Variants in MUSK observed in about 807,000 individuals in gnomAD.
MUSK encodes the protein muscle associated receptor tyrosine kinase, also known as muscle, skeletal receptor tyrosine-protein kinase.
Under a neutral mutation model 88.7 loss-of-function variants are expected in MUSK, and 55 were observed. The observed-to-expected ratio is 0.62, with a 90% CI of 0.50 to 0.78. The LOEUF (loss-of-function observed/expected upper bound fraction) is 0.78, where lower values mean the gene tolerates loss of function less well. Ranked by LOEUF, MUSK falls within the 30% of genes least tolerant of loss-of-function variation. The probability of loss-of-function intolerance (pLI) is 0.00; values close to 1 mark genes in which losing one functional copy is unlikely to be tolerated. For missense variants in MUSK, 1,015 were observed against 1,074.3 expected, an observed-to-expected ratio of 0.94 and a Z score of 0.77; for synonymous variants, 387 against 391.9, an observed-to-expected ratio of 0.99 and a Z score of 0.15.
chr9:110,716,146 A>G (rs765009247), intron 5 of MUSK, among the ~76,000 whole-genome samples: 4 of 150,004 alleles, frequency 2.7e-5, no homozygotes, highest in Non-Finnish European at 5.9e-5. Context: ...GTTGGGGGAA[A>G]AAAAAGAAAA....
intron 5 of MUSK, among the ~76,000 whole-genome samples, chr9:110,728,026 A>G (rs2076910168): frequency 6.6e-6 from 1 of 152,120 alleles, no homozygotes; most frequent in African/African-American, 2.4e-5. Context: ...TTAAACATTT[A>G]TAAATTCTCA....
At chr9:110,771,823 T>C (rs916286403) in intron 9 of MUSK, among the ~76,000 whole-genome samples, 3 of 152,172 alleles carry the variant, frequency 2.0e-5, no homozygotes, top group Non-Finnish European at 4.4e-5. Context: ...ACCAAATAAT[T>C]TATTCCTGCA....
At chr9:110,688,482 A>T (rs557933678) in intron 3 of MUSK, among the ~76,000 whole-genome samples, 1 of 152,120 alleles carries the variant, frequency 6.6e-6, no homozygotes, top group African/African-American at 2.4e-5. Flanking sequence ...TTTTGAGTTC[A>T]GGGGTACATC....
intron 7 of MUSK, among the ~76,000 whole-genome samples, chr9:110,757,230 G>A (rs1330083259): frequency 3.9e-5 from 6 of 152,056 alleles, no homozygotes; most frequent in East Asian, 3.9e-4. Context: ...AGGCTGAGGC[G>A]GGTGGATAAT....
chr9:110,741,205 A>G (rs2077093624), intron 6 of MUSK, among the ~76,000 whole-genome samples: 1 of 152,224 alleles, frequency 6.6e-6, no homozygotes, highest in Non-Finnish European at 1.5e-5. Context: ...TAATCATTTC[A>G]TAATATACAT....
chr9:110,775,458 C>A, intron 9 of MUSK: 1 of 322,918 alleles, frequency 3.1e-6, no homozygotes, highest in Non-Finnish European at 5.9e-6. Flanking sequence ...CCTTTTTCCT[C>A]TACCTGTGTT....
intron 1 of MUSK, among the ~76,000 whole-genome samples, chr9:110,676,013 CA>C (rs1171980616): frequency 6.6e-6 from 1 of 151,990 alleles, no homozygotes; most frequent in Non-Finnish European, 1.5e-5. Context: ...TTATTTCATT[CA>C]TTCGTTGTTT....
At chr9:110,671,620 A>G (rs1419001199) in intron 1 of MUSK, among the ~76,000 whole-genome samples, 1 of 152,190 alleles carries the variant, frequency 6.6e-6, no homozygotes, top group Non-Finnish European at 1.5e-5. Context: ...GGGAAGAATC[A>G]TTGTCTTTCT....
chr9:110,722,665 A>G (rs910790856), intron 5 of MUSK, among the ~76,000 whole-genome samples: 5 of 152,126 alleles, frequency 3.3e-5, no homozygotes, highest in African/African-American at 1.2e-4. Flanking sequence ...CCAAGGAGTA[A>G]TATTCAGAAT....
chr9:110,752,130 G>A lies in MUSK; in HGVS notation c.913+4330G>A, dbSNP rs2077255903. Among the ~76,000 whole-genome samples the A allele has an allele frequency of 2.0e-5, 3 of 152,106 alleles. No individual in the cohort carries two copies. In the South Asian group the frequency reaches 6.2e-4, roughly 32 times the overall value. Reference sequence around the variant, plus strand: ...CCCGAGGCAGACCTAATAAGGGTGTGTCATGAGTGTGATTGAATAAGACTT... The same window carrying A: ...CCCGAGGCAGACCTAATAAGGGTGTATCATGAGTGTGATTGAATAAGACTT... On this transcript the variant is annotated intron_variant, in intron 7 of 14. Coordinates refer to ENST00000374448, the MANE Select transcript of MUSK (RefSeq NM_005592.4).
chr9:110,752,481 C>T (rs1231847723), intron 7 of MUSK, among the ~76,000 whole-genome samples: 3 of 152,240 alleles, frequency 2.0e-5, no homozygotes, highest in Admixed American at 1.3e-4. Context: ...GCCAGAAGTC[C>T]AGAACTTCAA....
intron 7 of MUSK, among the ~76,000 whole-genome samples, chr9:110,755,750 G>A (rs962928409): frequency 6.6e-6 from 1 of 151,496 alleles, no homozygotes; most frequent in African/African-American, 2.4e-5. Flanking sequence ...CTTTCCTCCT[G>A]TTCCTCTTCA....
intron 3 of MUSK, among the ~76,000 whole-genome samples, chr9:110,690,064 A>C (rs866245519): frequency 7.1e-4 from 67 of 94,934 alleles, no homozygotes; most frequent in South Asian, 2.5e-3. Context: ...AATATATATT[A>C]TGTAAGTATA....
In MUSK at chr9:110,721,011, C is replaced by T. The variant is rs1029193951; in HGVS notation, c.629-13240C>T. Among the ~76,000 whole-genome samples the T allele has an allele frequency of 2.6e-5, 4 of 152,028 alleles. No homozygotes were observed. In the South Asian group the frequency reaches 8.3e-4, roughly 32 times the overall value. On this transcript the variant is annotated intron_variant, in intron 5 of 14. Coordinates refer to ENST00000374448, the MANE Select transcript of MUSK (RefSeq NM_005592.4). ...AAAATCACGATCATCTCAGTAGACA[C>T]AGAAAAAGCATTTGACAAAATTAAG...
chr9:110,784,475 G>C (rs1357384912), intron 11 of MUSK, among the ~76,000 whole-genome samples: 1 of 152,052 alleles, frequency 6.6e-6, no homozygotes, highest in Non-Finnish European at 1.5e-5. Context: ...CTGATGTCAA[G>C]TGTAATTATG....
chr9:110,675,308 G>A (rs576599820), intron 1 of MUSK, among the ~76,000 whole-genome samples: 5 of 134,806 alleles, frequency 3.7e-5, no homozygotes, highest in African/African-American at 1.1e-4. Context: ...TACAAGCTCC[G>A]CCTCCCTGGT....
intron 5 of MUSK, among the ~76,000 whole-genome samples, chr9:110,725,869 T>TA (rs2076877106): frequency 6.6e-6 from 1 of 151,984 alleles, no homozygotes; most frequent in Admixed American, 6.6e-5. Flanking sequence ...CAGAATATTT[T>TA]AAAAATGATA....
At chr9:110,769,614 CTTTAG>C (rs2077538802) in intron 9 of MUSK, among the ~76,000 whole-genome samples, 1 of 152,120 alleles carries the variant, frequency 6.6e-6, no homozygotes, top group Non-Finnish European at 1.5e-5. Context: ...ATTATCACTT[CTTTAG>C]TTTAGATTTC....
intron 14 of MUSK, 119 bp downstream of exon 14, chr9:110,787,957 T>A: frequency 8.4e-7 from 1 of 1,190,404 alleles, no homozygotes; most frequent in Non-Finnish European, 1.2e-6. Flanking sequence ...TCAGTTCCTT[T>A]TCAAATTTAG....
Sources: gnomAD v4.1 joint callset for allele counts (sites outside exome capture counted in the v4.1 genomes callset) on GRCh38, gnomAD v4.1.1 for gene constraint, MANE v1.5 for transcripts, NCBI Gene and HGNC (gene_info 2026-07-23, HGNC 2026-07-21) for gene names.